The following DDR2 variants were observed in gnomAD, a reference collection of about 807,000 sequenced individuals.
DDR2 encodes discoidin domain-containing receptor 2.
Under a neutral mutation model 94.9 loss-of-function variants are expected in DDR2, and 27 were observed. The ratio of observed to expected loss-of-function variants is 0.28; its 90% CI spans 0.21 to 0.39. The LOEUF (loss-of-function observed/expected upper bound fraction) is 0.39, where lower values mean the gene tolerates loss of function less well. Among genes scored for constraint, DDR2 ranks in the 10% least tolerant of loss-of-function variants. The pLI is 1.00. For synonymous variants in DDR2, 382 were observed against 377.2 expected, an observed-to-expected ratio of 1.01 and a Z score of -0.15; for missense variants, 783 against 1,076.0, an observed-to-expected ratio of 0.73 and a Z score of 3.81.
intron 8 of DDR2, 38 bp downstream of exon 8, chr1:162,760,017 G>A (rs769195045): frequency 6.2e-7 from 1 of 1,613,760 alleles, no homozygotes; most frequent in Non-Finnish European, 8.5e-7. Flanking sequence ...TCTTTAAGGA[G>A]GCACAAATCA....
rs1471629852 is a variant in DDR2 at position 162,767,056 on chromosome 1, A to G, written c.1163-173A>G. Among the ~76,000 whole-genome samples the G allele has an allele frequency of 3.9e-4, 5 of 12,852 alleles. No individual in the cohort carries two copies. The Admixed American group carries it at 7.6e-3, about 19-fold the overall frequency. 8.4% of individuals were successfully genotyped at this position (12,852 alleles called of 152,430 possible). A position where few individuals can be genotyped will look rare whatever the true frequency, so the allele number is the denominator to read the frequency against. Reference sequence around the variant, plus strand: ...GAAAAAAAAAAAGTAATAAAACAGTAGCAAGAAAACAAAACAGTAGCAAGA... The same window carrying G: ...GAAAAAAAAAAAGTAATAAAACAGTGGCAAGAAAACAAAACAGTAGCAAGA... On this transcript the variant is annotated intron_variant, in intron 10 of 17. Coordinates refer to ENST00000367921, the MANE Select transcript of DDR2 (RefSeq NM_006182.4).
chr1:162,657,105 G>T (rs1658026570), intron 2 of DDR2, among the ~76,000 whole-genome samples: 1 of 151,930 alleles, frequency 6.6e-6, no homozygotes, highest in African/African-American at 2.4e-5. Flanking sequence ...CTCCTAAAGT[G>T]CTGGGATTAC....
Position 162,770,517 on chromosome 1 carries a change from G to A in DDR2, c.1504+5G>A. On this transcript the variant is annotated splice_donor_5th_base_variant and intron_variant, in intron 12 of 17. Transcript: ENST00000367921. ...CTCCAGGGGAGGAGGAGTCAGGTGA[G>A]GATGATGTGGTGGGCAGGGTGTCAA... is the stretch of plus-strand genomic sequence containing the variant. 6.2e-7 allele frequency: 1 copy of A among 1,614,022 alleles called. No homozygotes were observed. Among genetic ancestry groups the A allele is most frequent in the East Asian group, 2.2e-5 (1 of 44,866 alleles).
chr1:162,656,853 T>TA (rs1268859264), intron 2 of DDR2, among the ~76,000 whole-genome samples: 4 of 130,912 alleles, frequency 3.1e-5, no homozygotes, highest in Non-Finnish European at 6.6e-5. Context: ...TTTTTTTATT[T>TA]TTTTTGTTAA....
At chr1:162,763,827 T>C (rs1663869256) in intron 9 of DDR2, among the ~76,000 whole-genome samples, 1 of 152,200 alleles carries the variant, frequency 6.6e-6, no homozygotes. Flanking sequence ...AAATTAAAGA[T>C]AAGGTTTTTA....
chr1:162,713,254 C>T (rs559721022), intron 2 of DDR2, among the ~76,000 whole-genome samples: 3 of 152,108 alleles, frequency 2.0e-5, no homozygotes, highest in African/African-American at 4.8e-5. Flanking sequence ...AAGTATAGGA[C>T]GTGTTCCCCC....
At chr1:162,772,904 T>C (rs1647303318) in intron 13 of DDR2, among the ~76,000 whole-genome samples, 1 of 152,324 alleles carries the variant, frequency 6.6e-6, no homozygotes, top group African/African-American at 2.4e-5. Flanking sequence ...AGACATGTTA[T>C]TGGTTTTCAG....
In DDR2 at chr1:162,739,882, G is replaced by A. The variant is rs1034710234; in HGVS notation, c.83-13213G>A. 5.9e-5 allele frequency among the ~76,000 whole-genome samples: 9 copies of A among 151,798 alleles called. No individual in the cohort carries two copies. In the East Asian group the frequency reaches 1.4e-3, roughly 23 times the overall value. On this transcript the variant is annotated intron_variant, in intron 3 of 17. Transcript: ENST00000367921. The stretch of plus-strand genomic sequence containing the variant: ...GGGTAGCCAGTAGAATCTTCTCTCA[G>A]TGGATGGACTGAATACAGGGTATTG...
At position 162,719,163 on chromosome 1, in the gene DDR2, C is replaced by T. The variant is rs760149332; in HGVS notation, c.82+18C>T. ...TAATCCAGGTAACATGGCTATTACTCAGCTATATGCTAGAAGACCAGCAGA... is the reference window on the plus strand; with the variant it reads ...TAATCCAGGTAACATGGCTATTACTTAGCTATATGCTAGAAGACCAGCAGA... On this transcript the variant is annotated intron_variant, in intron 3 of 17. Transcript: ENST00000367921. 5.0e-6 allele frequency: 8 copies of T among 1,613,618 alleles called. No homozygotes were observed. The South Asian group carries it at 8.8e-5, about 18-fold the overall frequency.
At chr1:162,642,225 G>C (rs1230910138) in intron 1 of DDR2, among the ~76,000 whole-genome samples, 1 of 152,054 alleles carries the variant, frequency 6.6e-6, no homozygotes, top group African/African-American at 2.4e-5. Context: ...CCAAAGTGTT[G>C]GGATTACAGG....
intron 1 of DDR2, among the ~76,000 whole-genome samples, chr1:162,641,013 C>T (rs1379467983): frequency 2.6e-5 from 4 of 152,106 alleles, no homozygotes; most frequent in African/African-American, 7.2e-5. Flanking sequence ...ACCTTGGCTT[C>T]TCAAAATGCT....
At chr1:162,770,614 T>C (rs1176463061) in intron 12 of DDR2, 102 bp downstream of exon 12, 1 of 1,144,862 alleles carries the variant, frequency 8.7e-7, no homozygotes, top group South Asian at 1.3e-5. Flanking sequence ...ATTTTTAGTC[T>C]CTGCTAACCT....
At chr1:162,689,877 G>T (rs899172456) in intron 2 of DDR2, among the ~76,000 whole-genome samples, 1 of 104,446 alleles carries the variant, frequency 9.6e-6, no homozygotes, top group African/African-American at 3.1e-5. Context: ...ATAGCCAGGT[G>T]TGGTGGTGCA....
At chr1:162,692,392 C>T (rs187523070) in intron 2 of DDR2, among the ~76,000 whole-genome samples, 1 of 152,294 alleles carries the variant, frequency 6.6e-6, no homozygotes, top group East Asian at 1.9e-4. Flanking sequence ...ACAATGGAGT[C>T]AGAGGAACTG....
intron 10 of DDR2, 43 bp from the exon 11 acceptor site, chr1:162,767,186 C>T: frequency 1.2e-6 from 2 of 1,613,716 alleles, no homozygotes; most frequent in Non-Finnish European, 1.7e-6. Context: ...TTTACTTGAC[C>T]TGTGAGATGA....
chr1:162,690,206 G>C (rs1659903348), intron 2 of DDR2, among the ~76,000 whole-genome samples: 1 of 151,998 alleles, frequency 6.6e-6, no homozygotes, highest in South Asian at 2.1e-4. Context: ...CCATTTTATG[G>C]AAGAAGGAAA....
intron 2 of DDR2, among the ~76,000 whole-genome samples, chr1:162,669,947 G>A (rs1446731966): frequency 2.0e-5 from 3 of 152,214 alleles, no homozygotes; most frequent in African/African-American, 7.2e-5. Context: ...CTGCTGTGAT[G>A]AACAGAGAAA....
Position 162,759,738 on chromosome 1 carries a change from A to G in DDR2, c.672-58A>G, listed in dbSNP as rs1046126814. The G allele has an allele frequency of 8.1e-6, 13 of 1,605,240 alleles. 1 individual carries two copies. Among genetic ancestry groups the G allele is most frequent in the South Asian group, 4.4e-5 (4 of 90,664 alleles). On this transcript the variant is annotated intron_variant, in intron 7 of 17. Coordinates refer to ENST00000367921, the MANE Select transcript of DDR2 (RefSeq NM_006182.4). ...ATGCCGGGTAAAAGCTCTTCCACGAATGTGTGGTTAACTCAGATTTCTCTC... is the reference window on the plus strand; with the variant it reads ...ATGCCGGGTAAAAGCTCTTCCACGAGTGTGTGGTTAACTCAGATTTCTCTC...
intron 3 of DDR2, among the ~76,000 whole-genome samples, chr1:162,722,626 G>A (rs1183801055): frequency 6.6e-6 from 1 of 152,202 alleles, no homozygotes; most frequent in Admixed American, 6.5e-5. Context: ...TAGTTCTGAT[G>A]AATGATTTGG....
Sources: allele counts gnomAD v4.1 joint callset (sites outside exome capture counted in the v4.1 genomes callset), GRCh38; gene constraint gnomAD v4.1.1; transcripts MANE v1.5; gene names NCBI Gene and HGNC (gene_info 2026-07-23, HGNC 2026-07-21).